Variants in RALGPS2 observed in about 807,000 individuals in gnomAD.
RALGPS2 encodes ras-specific guanine nucleotide-releasing factor RalGPS2.
In RALGPS2, 43 loss-of-function variants were observed where a neutral mutation model predicts 86.8. The ratio of observed to expected loss-of-function variants is 0.50; its 90% CI spans 0.39 to 0.64. RALGPS2 has a LOEUF of 0.64. Among genes scored for constraint, RALGPS2 ranks in the 30% least tolerant of loss-of-function variants. The pLI is 0.00. For synonymous variants in RALGPS2, 243 were observed against 231.3 expected (o/e 1.05, Z -0.46); for missense variants, 536 against 694.6 (o/e 0.77, Z 2.57).
intron 1 of RALGPS2, among the ~76,000 whole-genome samples, chr1:178,733,753 G>T (rs1650525429): frequency 6.6e-6 from 1 of 152,200 alleles, no homozygotes; most frequent in Non-Finnish European, 1.5e-5. Context: ...TGCATCAGAG[G>T]ACATGTACAT....
intron 6 of RALGPS2, among the ~76,000 whole-genome samples, chr1:178,821,393 C>T (rs1014528768): frequency 2.1e-4 from 32 of 152,094 alleles, no homozygotes; most frequent in Non-Finnish European, 2.9e-5. Flanking sequence ...GATTTATTCC[C>T]AGAGTTTGGG....
chr1:178,816,856 G>A (rs1222860196), intron 6 of RALGPS2, among the ~76,000 whole-genome samples: 2 of 151,612 alleles, frequency 1.3e-5, no homozygotes, highest in Non-Finnish European at 2.9e-5. Context: ...TTACAGGCAT[G>A]CACCACCACG....
rs193084729 is a variant in RALGPS2 at position 178,775,827 on chromosome 1, A to T, written c.-83-855A>T. Among the ~76,000 whole-genome samples, 522 of 152,198 alleles carry T rather than the reference A, an allele frequency of 3.4e-3. 1 individual carries two copies. The highest frequency in any genetic ancestry group is 5.7e-3 in the Non-Finnish European group (387 of 67,976). On this transcript the variant is annotated intron_variant, in intron 1 of 19. Transcript: ENST00000367635. ...TAATAAACTTTAAAGTCCTATACAA[A>T]TAAACATAGTGTATATTATGGTACA...
At chr1:178,728,196 T>C (rs1419224324) in intron 1 of RALGPS2, among the ~76,000 whole-genome samples, 1 of 152,208 alleles carries the variant, frequency 6.6e-6, no homozygotes, top group Non-Finnish European at 1.5e-5. Context: ...TAAGGGAATC[T>C]AAATTTCTTT....
intron 8 of RALGPS2, among the ~76,000 whole-genome samples, chr1:178,862,403 G>C (rs778520240): frequency 2.6e-5 from 4 of 151,934 alleles, no homozygotes; most frequent in Non-Finnish European, 4.4e-5. Context: ...TACCAGGAAG[G>C]AGCTTATAAT....
At chr1:178,793,241 T>A (rs893892099) in intron 4 of RALGPS2, among the ~76,000 whole-genome samples, 14 of 152,000 alleles carry the variant, frequency 9.2e-5, no homozygotes, top group African/African-American at 3.4e-4. Context: ...GGCCTTGAAA[T>A]TTTTTTTAAA....
At chr1:178,898,330 G>A (rs1237943505) in intron 17 of RALGPS2, among the ~76,000 whole-genome samples, 3 of 151,950 alleles carry the variant, frequency 2.0e-5, no homozygotes, top group African/African-American at 4.8e-5. Flanking sequence ...TTATTTCTAA[G>A]TCACATGTTT....
intron 1 of RALGPS2, among the ~76,000 whole-genome samples, chr1:178,735,225 C>T (rs1016028325): frequency 1.3e-5 from 2 of 151,906 alleles, no homozygotes; most frequent in Non-Finnish European, 2.9e-5. Flanking sequence ...AAATGGTGAG[C>T]AAAAGAAACC....
chr1:178,747,507 G>C, intron 1 of RALGPS2: 1 of 1,610,154 alleles, frequency 6.2e-7, no homozygotes, highest in Non-Finnish European at 8.5e-7. Flanking sequence ...TCCATAATGC[G>C]GTTCAGCATG....
chr1:178,807,057 G>T (rs1654781045), intron 4 of RALGPS2, among the ~76,000 whole-genome samples: 2 of 152,162 alleles, frequency 1.3e-5, no homozygotes, highest in African/African-American at 2.4e-5. Context: ...CCGTATCTGG[G>T]TGTGATAATT....
intron 4 of RALGPS2, among the ~76,000 whole-genome samples, chr1:178,789,051 T>A (rs1473864480): frequency 1.3e-5 from 2 of 151,874 alleles, no homozygotes; most frequent in Non-Finnish European, 1.5e-5. Flanking sequence ...GGCCTCCAGG[T>A]GCATGCCACC....
At chr1:178,740,697 G>A in intron 1 of RALGPS2, among the ~76,000 whole-genome samples, 1 of 152,182 alleles carries the variant, frequency 6.6e-6, no homozygotes, top group East Asian at 1.9e-4. Context: ...GAACATGAGA[G>A]TGAAGATTCT....
intron 4 of RALGPS2, among the ~76,000 whole-genome samples, chr1:178,803,697 C>T (rs1654594504): frequency 7.1e-6 from 1 of 141,018 alleles, no homozygotes; most frequent in South Asian, 2.1e-4. Flanking sequence ...TTTATCATTT[C>T]ATTATTTCTT....
intron 16 of RALGPS2, among the ~76,000 whole-genome samples, chr1:178,895,195 A>G (rs1354388924): frequency 6.6e-6 from 1 of 152,022 alleles, no homozygotes; most frequent in African/African-American, 2.4e-5. Flanking sequence ...CAAATTTGAA[A>G]TATAAAACCT....
At chr1:178,889,567 T>G (rs1659633383) in intron 13 of RALGPS2, 75 bp from the exon 14 acceptor site, 2 of 970,350 alleles carry the variant, frequency 2.1e-6, no homozygotes, top group Admixed American at 1.9e-5. Context: ...GTTAATTAAT[T>G]TATTTTTACA....
intron 8 of RALGPS2, among the ~76,000 whole-genome samples, chr1:178,863,790 G>T (rs979008241): frequency 2.0e-5 from 3 of 152,142 alleles, no homozygotes; most frequent in Non-Finnish European, 4.4e-5. Context: ...GGAAGTGAAG[G>T]AAGAATATTA....
At chr1:178,860,098 T>G (rs1657894403) in intron 8 of RALGPS2, among the ~76,000 whole-genome samples, 1 of 152,100 alleles carries the variant, frequency 6.6e-6, no homozygotes, top group African/African-American at 2.4e-5. Flanking sequence ...ATCTATGCTT[T>G]TACACATGGT....
chr1:178,747,489 A>G (rs1301836569), intron 1 of RALGPS2: 8 of 1,608,044 alleles, frequency 5.0e-6, no homozygotes, highest in South Asian at 3.3e-5. Context: ...CATTTAACCA[A>G]TTCTTTCTCC....
intron 19 of RALGPS2, 24 bp downstream of exon 19, chr1:178,906,891 G>A: frequency 6.2e-7 from 1 of 1,600,470 alleles, no homozygotes; most frequent in Non-Finnish European, 8.6e-7. Flanking sequence ...CTAATTCTCA[G>A]AATAGTCCAT....
Sources: allele counts gnomAD v4.1 joint callset (sites outside exome capture counted in the v4.1 genomes callset), GRCh38; gene constraint gnomAD v4.1.1; transcripts MANE v1.5; gene names NCBI Gene and HGNC (gene_info 2026-07-23, HGNC 2026-07-21).